Variants in OTOGL observed in about 807,000 individuals in gnomAD.
The protein encoded by OTOGL is otogelin like, also known as otogelin-like protein.
In OTOGL, 285 loss-of-function variants were observed where a neutral mutation model predicts 318.5. The observed-to-expected ratio is 0.89, with a 90% CI of 0.81 to 0.99. OTOGL has a LOEUF of 0.99. OTOGL is among the 50% of genes least tolerant of loss of function. OTOGL has a pLI of 0.00. For synonymous variants in OTOGL, 987 were observed against 936.5 expected, an observed-to-expected ratio of 1.05 and a Z score of -0.99; for missense variants, 2,899 against 2,845.6, an observed-to-expected ratio of 1.02 and a Z score of -0.43.
At chr12:80,252,034 G>A in intron 12 of OTOGL, 42 bp from the exon 13 acceptor site, 10 of 1,452,916 alleles carry the variant, frequency 6.9e-6, no homozygotes, top group South Asian at 1.5e-5. Context: ...AGAAATAGAG[G>A]CTAATAAAAT....
At chr12:80,253,895 A>G (rs1592612794) in intron 14 of OTOGL, among the ~76,000 whole-genome samples, 2 of 152,130 alleles carry the variant, frequency 1.3e-5, no homozygotes, top group African/African-American at 2.4e-5. Flanking sequence ...GTTACATACT[A>G]TAAAACATGC....
intron 29 of OTOGL, among the ~76,000 whole-genome samples, chr12:80,309,952 G>A (rs1489055236): frequency 6.6e-6 from 1 of 152,110 alleles, no homozygotes; most frequent in Non-Finnish European, 1.5e-5. Flanking sequence ...TGAGGATTAA[G>A]CTTTGCAAAG....
At chr12:80,349,713 G>T (rs920706876) in intron 44 of OTOGL, among the ~76,000 whole-genome samples, 1 of 152,084 alleles carries the variant, frequency 6.6e-6, no homozygotes. Context: ...AAAGTAAGGT[G>T]GTTGGAAACT....
intron 18 of OTOGL, among the ~76,000 whole-genome samples, chr12:80,259,655 A>G (rs371814985): frequency 1.4e-4 from 21 of 151,942 alleles, no homozygotes; most frequent in African/African-American, 4.8e-4. Flanking sequence ...TTCCTGTTAT[A>G]GTTTGCTGAG....
In OTOGL at chr12:80,208,421, T is replaced by A. The variant is rs535080344; in HGVS notation, c.-19-992T>A. On this transcript the variant is annotated intron_variant, in intron 1 of 58. Coordinates refer to ENST00000547103, the MANE Select transcript of OTOGL (RefSeq NM_001378609.3). ...GCCTTTTTGTTTCATAAAGTACTTC[T>A]GTGTGGCTAGACATTCCTTACTACT... 4.5e-4 allele frequency among the ~76,000 whole-genome samples: 69 copies of A among 152,354 alleles called. 2 individuals carry two copies. In the Middle Eastern group the frequency reaches 0.014, roughly 30 times the overall value.
At chr12:80,147,447 C>T (rs1168306257) in intron 1 of OTOGL, among the ~76,000 whole-genome samples, 4 of 151,052 alleles carry the variant, frequency 2.6e-5, no homozygotes, top group Non-Finnish European at 4.4e-5. Flanking sequence ...TGTTCTTTTA[C>T]ATTTGCTGAG....
Position 80,377,848 on chromosome 12 carries a change from A to G in OTOGL, c.6862A>G (p.Ile2288Val), listed in dbSNP as rs1891251392. ...RKQDCMSQSP[I>V]NVASCDGKCP... ...TTTTTCTCATTGTCACTTCTTACAG[A>G]TAAATGTTGCATCTTGTGACGGCAA... The change falls in exon 59 of 59, where the codon ATA becomes GTA. Residue 2288 changes from isoleucine (I) to valine (V), a missense_variant and splice_region_variant. Around this residue, in one of 3 missense-constraint regions of OTOGL, gnomAD observed 289 missense variants for 304.6 expected, o/e 0.95. Coordinates refer to ENST00000547103, the MANE Select transcript of OTOGL (RefSeq NM_001378609.3). 4 of 1,602,988 alleles carry G rather than the reference A, an allele frequency of 2.5e-6. No individual in the cohort carries two copies. Among genetic ancestry groups the G allele is most frequent in the Non-Finnish European group, 3.4e-6 (4 of 1,171,664 alleles).
At chr12:80,189,684 G>A (rs1875540657) in intron 1 of OTOGL, among the ~76,000 whole-genome samples, 2 of 152,166 alleles carry the variant, frequency 1.3e-5, no homozygotes, top group South Asian at 4.1e-4. Flanking sequence ...GGCCTAGATG[G>A]GGCTCTCCAA....
chr12:80,213,233 T>C (rs1276008632), intron 4 of OTOGL, among the ~76,000 whole-genome samples: 1 of 152,242 alleles, frequency 6.6e-6, no homozygotes, highest in Admixed American at 6.5e-5. Flanking sequence ...TTCTGGATGT[T>C]GCCAGGGCAT....
In OTOGL at chr12:80,108,936, G is replaced by GTATATATATATATA. The variant is rs199972356; in HGVS notation, c.-20+9336_-20+9349dup. On this transcript the variant is annotated intron_variant, in intron 1 of 58. Coordinates refer to ENST00000547103, the MANE Select transcript of OTOGL (RefSeq NM_001378609.3). The stretch of plus-strand genomic sequence containing the variant: ...TATATGTGTATATATATATGTGTGT[G>GTATATATATATATA]TATATATATATATATATACACACAC... Among the ~76,000 whole-genome samples, 134 of 128,224 alleles carry GTATATATATATATA rather than the reference G, an allele frequency of 1.0e-3. 3 individuals are homozygous for GTATATATATATATA. The highest frequency in any genetic ancestry group is 3.9e-3 in the African/African-American group (121 of 31,264). The allele number at this position is 128,224 out of a possible 152,430, so 84.1% of individuals were successfully genotyped here.
intron 18 of OTOGL, among the ~76,000 whole-genome samples, chr12:80,261,202 T>A (rs1194525692): frequency 2.6e-5 from 4 of 152,068 alleles, no homozygotes; most frequent in Non-Finnish European, 5.9e-5. Context: ...ACAGTCAGGA[T>A]TGTGGTGTGG....
intron 52 of OTOGL, among the ~76,000 whole-genome samples, chr12:80,360,164 T>C (rs1380501323): frequency 6.6e-6 from 1 of 152,208 alleles, no homozygotes. Context: ...TAAATTAATA[T>C]AATTTAAATG....
chr12:80,106,029 C>G (rs1175036263), intron 1 of OTOGL, among the ~76,000 whole-genome samples: 1 of 151,898 alleles, frequency 6.6e-6, no homozygotes, highest in African/African-American at 2.4e-5. Context: ...TCACTAAAAA[C>G]AAAAAGGAAT....
intron 1 of OTOGL, among the ~76,000 whole-genome samples, chr12:80,106,945 T>A (rs1204701715): frequency 2.0e-5 from 3 of 152,112 alleles, no homozygotes; most frequent in African/African-American, 7.2e-5. Flanking sequence ...TTTAATGAAT[T>A]ACCAATTTGA....
intron 26 of OTOGL, among the ~76,000 whole-genome samples, chr12:80,288,844 A>G (rs1259966055): frequency 6.6e-6 from 1 of 152,032 alleles, no homozygotes; most frequent in African/African-American, 2.4e-5. Context: ...GGGTTAGAAC[A>G]TACTCTTTTA....
chr12:80,377,831 A>T lies in OTOGL; in HGVS notation c.6862-17A>T, dbSNP rs1338530912. The stretch of plus-strand genomic sequence containing the variant: ...TTAAAAGTTTAAGACTTTTTTTCTC[A>T]TTGTCACTTCTTACAGATAAATGTT... On this transcript the variant is annotated splice_polypyrimidine_tract_variant and intron_variant, in intron 58 of 58. Coordinates refer to ENST00000547103, the MANE Select transcript of OTOGL (RefSeq NM_001378609.3). 2.5e-6 allele frequency: 4 copies of T among 1,577,300 alleles called. No individual in the cohort carries two copies. Among genetic ancestry groups the T allele is most frequent in the Admixed American group, 3.5e-5 (2 of 56,362 alleles).
intron 1 of OTOGL, chr12:80,130,994 G>A (rs1578996): frequency 8.5e-5 from 13 of 152,244 alleles, no homozygotes; most frequent in African/African-American, 3.1e-4. Flanking sequence ...CCCCCAAAGG[G>A]TTTGGGGAGT....
At chr12:80,356,589 A>C in intron 48 of OTOGL, 69 bp downstream of exon 48, 42 of 1,245,734 alleles carry the variant, frequency 3.4e-5, no homozygotes, top group Non-Finnish European at 4.3e-5. Flanking sequence ...TTAGATTCTC[A>C]TTCATTGTGT....
intron 1 of OTOGL, among the ~76,000 whole-genome samples, chr12:80,157,484 C>A (rs576395568): frequency 2.0e-5 from 3 of 152,194 alleles, no homozygotes; most frequent in African/African-American, 7.2e-5. Flanking sequence ...TAGAGTACTA[C>A]TCAAGACATT....
Sources: allele counts gnomAD v4.1 joint callset (sites outside exome capture counted in the v4.1 genomes callset), GRCh38; gene constraint gnomAD v4.1.1; regional missense constraint gnomAD v4.1.1; transcripts MANE v1.5; gene names NCBI Gene and HGNC (gene_info 2026-07-23, HGNC 2026-07-21).